ETF1: variants seen among roughly 807,000 people sequenced by gnomAD.
The protein encoded by ETF1 is eukaryotic peptide chain release factor subunit 1.
Under a neutral mutation model 55.1 loss-of-function variants are expected in ETF1, and 4 were observed. That is an observed-to-expected ratio of 0.07 (90% CI 0.04 to 0.17). ETF1 has a LOEUF of 0.17. Among genes scored for constraint, ETF1 ranks in the 10% least tolerant of loss-of-function variants. The pLI, the probability that ETF1 is intolerant of heterozygous loss-of-function variation, is 1.00. For synonymous variants in ETF1, 157 were observed against 182.3 expected (o/e 0.86, Z 1.12); for missense variants, 142 against 523.6 (o/e 0.27, Z 7.11).
At chr5:138,521,435 C>G (rs1320243521) in intron 2 of ETF1, among the ~76,000 whole-genome samples, 2 of 152,174 alleles carry the variant, frequency 1.3e-5, no homozygotes. Flanking sequence ...GAACTATACA[C>G]TTGTAAATGG....
In ETF1 at chr5:138,507,989, AT is replaced by A. The variant is rs553554703; in HGVS notation, c.*315del. On this transcript the variant is annotated 3_prime_UTR_variant, in exon 11 of 11. Coordinates refer to ENST00000360541, the MANE Select transcript of ETF1 (RefSeq NM_004730.4). ...TCTATGTATGAAGGTTAAAAAAATC[AT>A]TTTTTTTCATAAAATACAAGAGCAA... is the stretch of plus-strand genomic sequence containing the variant. 1.1e-4 allele frequency: 28 copies of A among 259,686 alleles called. No individual in the cohort carries two copies. Among genetic ancestry groups the A allele is most frequent in the African/African-American group, 2.0e-4 (9 of 45,048 alleles). The allele number at this position is 259,686 out of a possible 1,614,324, so 16.1% of individuals were successfully genotyped here. A position where few individuals can be genotyped will look rare whatever the true frequency, so the allele number is the denominator to read the frequency against.
intron 2 of ETF1, among the ~76,000 whole-genome samples, chr5:138,537,942 G>A (rs189406778): frequency 7.5e-6 from 1 of 133,500 alleles, no homozygotes; most frequent in Non-Finnish European, 1.6e-5. Flanking sequence ...GCCCAGGCTG[G>A]AGTGCAATGG....
intron 2 of ETF1, among the ~76,000 whole-genome samples, chr5:138,530,056 T>A (rs193101638): frequency 6.5e-4 from 99 of 152,180 alleles, no homozygotes; most frequent in Non-Finnish European, 9.9e-4. Flanking sequence ...CCCACAAGGA[T>A]CTTAATCAAT....
At chr5:138,541,691 T>C (rs1190451122) in intron 2 of ETF1, 18 of 1,279,678 alleles carry the variant, frequency 1.4e-5, no homozygotes, top group Middle Eastern at 2.7e-4. Flanking sequence ...TCACATGGCC[T>C]GAGGCAGGCC....
chr5:138,524,641 G>A (rs1456801585), intron 2 of ETF1, among the ~76,000 whole-genome samples: 1 of 147,186 alleles, frequency 6.8e-6, no homozygotes, highest in Non-Finnish European at 1.5e-5. Flanking sequence ...GCAGTGGCGC[G>A]ATCTCGGCTC....
chr5:138,510,500 G>T, intron 9 of ETF1, 65 bp downstream of exon 9: 1 of 1,226,246 alleles, frequency 8.2e-7, no homozygotes, highest in Non-Finnish European at 1.2e-6. Flanking sequence ...CCTCTACACA[G>T]CCAGTACTCT....
intron 2 of ETF1, among the ~76,000 whole-genome samples, chr5:138,523,045 A>G (rs1297776302): frequency 6.6e-6 from 1 of 151,144 alleles, no homozygotes; most frequent in Non-Finnish European, 1.5e-5. Context: ...AAACCCTTAC[A>G]CTACATCAAG....
At chr5:138,510,443 C>T in intron 9 of ETF1, 122 bp downstream of exon 9, 2 of 602,368 alleles carry the variant, frequency 3.3e-6, no homozygotes, top group South Asian at 4.1e-5. Flanking sequence ...ATGACCACCT[C>T]CCACAGCACC....
At position 138,524,865 on chromosome 5, in the gene ETF1, C is replaced by T. The variant is rs565939749; in HGVS notation, c.87-5998G>A. 9.9e-5 allele frequency among the ~76,000 whole-genome samples: 15 copies of T among 151,940 alleles called. No homozygotes were observed. In the South Asian group the frequency reaches 2.9e-3, roughly 29 times the overall value. The stretch of plus-strand genomic sequence containing the variant: ...TGCTGGGATTACAGGCATGAGCCAC[C>T]GTGCCCGGCCAGGATATTTCTTTCT... On this transcript the variant is annotated intron_variant, in intron 2 of 10. Coordinates refer to ENST00000360541, the MANE Select transcript of ETF1 (RefSeq NM_004730.4).
chr5:138,527,634 C>T (rs939671329), intron 2 of ETF1, among the ~76,000 whole-genome samples: 14 of 152,174 alleles, frequency 9.2e-5, no homozygotes, highest in Admixed American at 1.3e-4. Flanking sequence ...CTACCTGACA[C>T]AGGGGTCCAC....
rs79389815 is a variant in ETF1 at position 138,526,041 on chromosome 5, T to C, written c.87-7174A>G. Among the ~76,000 whole-genome samples the C allele has an allele frequency of 6.6e-5, 10 of 152,234 alleles. No individual in the cohort carries two copies. The South Asian group carries it at 1.2e-3, about 19-fold the overall frequency. ...AGAAAGTTACTTCCTGAGATCCTTA[T>C]AGATTATTGGATCTATACCCTTAAA... On this transcript the variant is annotated intron_variant, in intron 2 of 10. Coordinates refer to ENST00000360541, the MANE Select transcript of ETF1 (RefSeq NM_004730.4).
intron 5 of ETF1, chr5:138,513,278 C>T: frequency 2.2e-6 from 2 of 917,582 alleles, no homozygotes; most frequent in Non-Finnish European, 2.6e-6. Context: ...GTCGCCCAGA[C>T]TGGAGTGCAG....
intron 9 of ETF1, among the ~76,000 whole-genome samples, chr5:138,510,291 G>A (rs1236950180): frequency 1.4e-5 from 2 of 147,922 alleles, no homozygotes; most frequent in Non-Finnish European, 3.0e-5. Context: ...CCAGGAGGTG[G>A]AGGTTGCAGC....
At chr5:138,517,461 A>G in intron 4 of ETF1, 100 bp downstream of exon 4, 1 of 528,720 alleles carries the variant, frequency 1.9e-6, no homozygotes, top group Non-Finnish European at 3.3e-6. Context: ...GTGGTTGCCT[A>G]GAATGAGACA....
chr5:138,518,963 A>G, intron 2 of ETF1, 96 bp from the exon 3 acceptor site: 2 of 1,549,734 alleles, frequency 1.3e-6, no homozygotes, highest in Non-Finnish European at 1.7e-6. Context: ...AGATGCCCCA[A>G]AGTTATGGAA....
chr5:138,522,095 CTTGTTTT>C (rs1042764443), intron 2 of ETF1, among the ~76,000 whole-genome samples: 3 of 134,384 alleles, frequency 2.2e-5, no homozygotes, highest in African/African-American at 5.1e-5. Flanking sequence ...TAGCCATTCT[CTTGTTTT>C]TTGTTTTTTT....
chr5:138,528,012 TCCGC>T (rs1765548991), intron 2 of ETF1, among the ~76,000 whole-genome samples: 1 of 152,080 alleles, frequency 6.6e-6, no homozygotes, highest in South Asian at 2.1e-4. Flanking sequence ...CCTCAGGTGA[TCCGC>T]CCGCCTCAGC....
At chr5:138,537,785 T>A (rs1331408881) in intron 2 of ETF1, among the ~76,000 whole-genome samples, 1 of 151,124 alleles carries the variant, frequency 6.6e-6, no homozygotes, top group Non-Finnish European at 1.5e-5. Flanking sequence ...TTTCACTGTG[T>A]TAGCCAGGAT....
chr5:138,542,744 C>T lies in ETF1; in HGVS notation c.86+89G>A. ...GGCGGGAGTTGGCTAGTGCCTGGTT[C>T]TCCTCATCCGGCCATGCGGCGCGGG... On this transcript the variant is annotated intron_variant, in intron 2 of 10. Coordinates refer to ENST00000360541, the MANE Select transcript of ETF1 (RefSeq NM_004730.4). The T allele has an allele frequency of 1.9e-6, 3 of 1,560,100 alleles. No homozygotes were observed. The South Asian group carries it at 3.5e-5, about 18-fold the overall frequency.
Sources: allele counts gnomAD v4.1 joint callset (sites outside exome capture counted in the v4.1 genomes callset), GRCh38; gene constraint gnomAD v4.1.1; transcripts MANE v1.5; gene names NCBI Gene and HGNC (gene_info 2026-07-23, HGNC 2026-07-21).